SPAG16: variants seen among roughly 807,000 people sequenced by gnomAD.
SPAG16 encodes sperm-associated antigen 16 protein.
Under a neutral mutation model 80.4 loss-of-function variants are expected in SPAG16, and 86 were observed. The ratio of observed to expected loss-of-function variants is 1.07; its 90% CI spans 0.90 to 1.28. The LOEUF (loss-of-function observed/expected upper bound fraction) is 1.28. Among genes scored for constraint, SPAG16 ranks in the 50% most tolerant of loss-of-function variants. SPAG16 has a pLI of 0.00. For missense variants in SPAG16, 870 were observed against 765.3 expected, an observed-to-expected ratio of 1.14 and a Z score of -1.61; for synonymous variants, 294 against 265.9, an observed-to-expected ratio of 1.11 and a Z score of -1.03.
In SPAG16 at chr2:214,140,593, A is replaced by G. The variant is rs539048807; in HGVS notation, c.1594-8547A>G. 1.1e-4 allele frequency among the ~76,000 whole-genome samples: 16 copies of G among 152,058 alleles called. No homozygotes were observed. In the South Asian group the frequency reaches 3.1e-3, roughly 30 times the overall value. Reference sequence around the variant, plus strand: ...ATAATTTATTTTTATACTCATGATAACTTTTAAAATATTTTAAAACGTCAT... The same window carrying G: ...ATAATTTATTTTTATACTCATGATAGCTTTTAAAATATTTTAAAACGTCAT... On this transcript the variant is annotated intron_variant, in intron 14 of 15. Transcript: ENST00000331683.
At chr2:213,976,977 G>A (rs529092199) in intron 12 of SPAG16, among the ~76,000 whole-genome samples, 1 of 152,166 alleles carries the variant, frequency 6.6e-6, no homozygotes, top group African/African-American at 2.4e-5. Context: ...TATAATAACT[G>A]GGTGTTGTTT....
At chr2:213,343,935 C>T (rs2064826060) in intron 6 of SPAG16, among the ~76,000 whole-genome samples, 1 of 152,042 alleles carries the variant, frequency 6.6e-6, no homozygotes, top group Admixed American at 6.6e-5. Flanking sequence ...TGGGCATAAC[C>T]TTCCCTATTC....
chr2:214,151,824 A>G (rs1254931381), intron 15 of SPAG16, among the ~76,000 whole-genome samples: 1 of 152,190 alleles, frequency 6.6e-6, no homozygotes, highest in Non-Finnish European at 1.5e-5. Context: ...CACACATGTA[A>G]TGTCATCATA....
chr2:214,158,234 G>A (rs1389798733), intron 15 of SPAG16, among the ~76,000 whole-genome samples: 1 of 151,908 alleles, frequency 6.6e-6, no homozygotes, highest in East Asian at 1.9e-4. Flanking sequence ...GATATCCTGA[G>A]TCAAACATAA....
intron 15 of SPAG16, among the ~76,000 whole-genome samples, chr2:214,387,837 C>G (rs1044777101): frequency 6.6e-5 from 10 of 152,058 alleles, no homozygotes; most frequent in African/African-American, 2.2e-4. Flanking sequence ...GATGGGGGAG[C>G]CACCCTCATG....
intron 9 of SPAG16, among the ~76,000 whole-genome samples, chr2:213,397,466 T>G (rs561584709): frequency 6.6e-6 from 1 of 152,270 alleles, no homozygotes; most frequent in East Asian, 1.9e-4. Context: ...TCATTGTACC[T>G]TTTTGTTATG....
At chr2:213,312,300 A>G (rs768569058) in intron 4 of SPAG16, among the ~76,000 whole-genome samples, 1 of 151,698 alleles carries the variant, frequency 6.6e-6, no homozygotes, top group Non-Finnish European at 1.5e-5. Flanking sequence ...AATTCTATTT[A>G]TATGCCTATT....
Position 213,335,473 on chromosome 2 carries a change from C to G in SPAG16, c.537-4690C>G, listed in dbSNP as rs1559422431. Among the ~76,000 whole-genome samples the G allele has an allele frequency of 3.3e-5, 5 of 152,116 alleles. No individual in the cohort carries two copies. In the South Asian group the frequency reaches 8.3e-4, roughly 25 times the overall value. On this transcript the variant is annotated intron_variant, in intron 5 of 15. Coordinates refer to ENST00000331683, the MANE Select transcript of SPAG16 (RefSeq NM_024532.5). ...ATTTTTGTTTTTACAACAGAGACAT[C>G]TTGACCAGAAGCAATACAATAACAA...
Position 214,066,872 on chromosome 2 carries a change from C to T in SPAG16, c.1528-41324C>T, listed in dbSNP as rs72937917. ...CATCAAAATTATTCTTTGATTTCAA[C>T]TTTCCAAGGAAAAATTATTTTCAGG... On this transcript the variant is annotated intron_variant, in intron 13 of 15. Coordinates refer to ENST00000331683, the MANE Select transcript of SPAG16 (RefSeq NM_024532.5). Among the ~76,000 whole-genome samples the T allele has an allele frequency of 1.9e-3, 296 of 152,268 alleles. 2 individuals are homozygous for T. The highest frequency in any genetic ancestry group is 3.6e-3 in the Non-Finnish European group (245 of 68,008).
intron 12 of SPAG16, among the ~76,000 whole-genome samples, chr2:213,971,106 A>G (rs966717619): frequency 1.3e-5 from 2 of 152,186 alleles, no homozygotes; most frequent in African/African-American, 2.4e-5. Flanking sequence ...TAATTAAGAT[A>G]AGCATTCTTC....
At chr2:214,203,814 C>T (rs112171721) in intron 15 of SPAG16, among the ~76,000 whole-genome samples, 6 of 152,270 alleles carry the variant, frequency 3.9e-5, no homozygotes, top group Admixed American at 6.5e-5. Flanking sequence ...GTTTCCTGGA[C>T]GGAACCTGGA....
rs143211127 is a variant in SPAG16, at chr2:213,566,684, C to T, written c.1070+76594C>T. Among the ~76,000 whole-genome samples the T allele has an allele frequency of 3.6e-3, 555 of 152,296 alleles. 3 individuals carry two copies. The highest frequency in any genetic ancestry group is 0.012 in the African/African-American group (488 of 41,566). ...GAATTTTTAATTATTTTTGCAACAT[C>T]TGCATAACAATCTAATTCAAAGCCA... On this transcript the variant is annotated intron_variant, in intron 10 of 15. Transcript: ENST00000331683.
chr2:213,454,015 C>T (rs1451897270), intron 9 of SPAG16, among the ~76,000 whole-genome samples: 1 of 152,106 alleles, frequency 6.6e-6, no homozygotes, highest in African/African-American at 2.4e-5. Context: ...TTCTTCCTCC[C>T]CTTCTCCATG....
At chr2:213,422,354 T>G in intron 9 of SPAG16, 1 of 689,116 alleles carries the variant, frequency 1.5e-6, no homozygotes, top group Non-Finnish European at 2.7e-6. Flanking sequence ...CCAGTGCCTG[T>G]GCCAGTGCCT....
At chr2:213,882,459 T>G (rs181755246) in intron 11 of SPAG16, among the ~76,000 whole-genome samples, 101 of 150,950 alleles carry the variant, frequency 6.7e-4, no homozygotes, top group Non-Finnish European at 1.3e-3. Flanking sequence ...GCTTTTTGGG[T>G]TTTTTTCTGT....
intron 12 of SPAG16, among the ~76,000 whole-genome samples, chr2:213,944,074 G>T (rs955556733): frequency 6.6e-6 from 1 of 152,200 alleles, no homozygotes; most frequent in Non-Finnish European, 1.5e-5. Flanking sequence ...CAAAGGTCCA[G>T]AGTGTATGGG....
At chr2:214,176,316 TATAG>T (rs1388732506) in intron 15 of SPAG16, among the ~76,000 whole-genome samples, 12 of 151,296 alleles carry the variant, frequency 7.9e-5, no homozygotes, top group Non-Finnish European at 1.8e-4. Flanking sequence ...CTAGAGGTGC[TATAG>T]ATAGTCATCC....
chr2:214,286,812 C>A (rs1374825832), intron 15 of SPAG16, among the ~76,000 whole-genome samples: 2 of 152,018 alleles, frequency 1.3e-5, no homozygotes, highest in Admixed American at 1.3e-4. Flanking sequence ...TATTCTCTGG[C>A]TGCATTAGAA....
At chr2:213,638,601 G>C (rs2062460903) in intron 10 of SPAG16, among the ~76,000 whole-genome samples, 1 of 152,174 alleles carries the variant, frequency 6.6e-6, no homozygotes, top group South Asian at 2.1e-4. Context: ...ATTGTGGTCT[G>C]AGAGAGTACT....
Sources: gnomAD v4.1 joint callset for allele counts (sites outside exome capture counted in the v4.1 genomes callset) on GRCh38, gnomAD v4.1.1 for gene constraint, MANE v1.5 for transcripts, NCBI Gene and HGNC (gene_info 2026-07-23, HGNC 2026-07-21) for gene names.